Variants in FSTL5 observed in about 807,000 individuals in gnomAD.
The protein encoded by FSTL5 is follistatin like 5, also known as follistatin-related protein 5.
A neutral mutation model predicts 89.1 loss-of-function variants in FSTL5; 62 were observed. That is an observed-to-expected ratio of 0.70 (90% CI 0.57 to 0.86). The LOEUF is 0.86. Ranked by LOEUF, FSTL5 falls within the 40% of genes least tolerant of loss-of-function variation. The pLI, the probability that FSTL5 is intolerant of heterozygous loss-of-function variation, is 0.00. For synonymous variants in FSTL5, 383 were observed against 346.2 expected (o/e 1.11, Z -1.18); for missense variants, 1,057 against 1,001.6 (o/e 1.06, Z -0.75).
intron 3 of FSTL5, among the ~76,000 whole-genome samples, chr4:162,024,223 C>T (rs529061663): frequency 2.0e-5 from 3 of 152,090 alleles, no homozygotes; most frequent in African/African-American, 7.2e-5. Flanking sequence ...AAAAATATTC[C>T]GAATTCACAT....
chr4:161,745,062 A>G (rs11100384), intron 6 of FSTL5, among the ~76,000 whole-genome samples: 11,966 of 152,064 alleles, frequency 0.079, 629 homozygotes, highest in South Asian at 0.17. Flanking sequence ...AAGGCAAAAT[A>G]AATAAATAAA....
At chr4:161,648,733 A>G (rs10010913) in intron 7 of FSTL5, among the ~76,000 whole-genome samples, 121,726 of 151,986 alleles carry the variant, frequency 0.8, 49,007 homozygotes, top group East Asian at 0.93. Flanking sequence ...CCTGTGACAC[A>G]TACAATCTAT....
At chr4:162,019,502 T>C (rs986887348) in intron 3 of FSTL5, among the ~76,000 whole-genome samples, 2 of 152,168 alleles carry the variant, frequency 1.3e-5, no homozygotes, top group Non-Finnish European at 2.9e-5. Flanking sequence ...TTAATTTTGA[T>C]TAAAAAATGT....
chr4:161,400,691 T>C (rs1232277323), intron 15 of FSTL5, among the ~76,000 whole-genome samples: 5 of 152,118 alleles, frequency 3.3e-5, no homozygotes, highest in African/African-American at 1.2e-4. Context: ...ATTGACAGTG[T>C]TATAACCTAT....
At position 161,762,153 on chromosome 4, in the gene FSTL5, GTTTGTT is replaced by G. The variant is rs932987730; in HGVS notation, c.607-2628_607-2623del. Among the ~76,000 whole-genome samples the G allele has an allele frequency of 1.5e-4, 23 of 152,034 alleles. 1 individual carries two copies. The highest frequency in any genetic ancestry group is 1.0e-3 in the South Asian group (5 of 4,822). On this transcript the variant is annotated intron_variant, in intron 5 of 15. Transcript: ENST00000306100. ...GTTTAGGTACCCAGAATTTTTGTTT[GTTTGTT>G]TTTGTTTTTGTTTGTTTGTTTGTTT...
chr4:161,657,103 C>T (rs1736546123), intron 6 of FSTL5, among the ~76,000 whole-genome samples: 1 of 152,122 alleles, frequency 6.6e-6, no homozygotes, highest in South Asian at 2.1e-4. Context: ...TTTAACTAAC[C>T]AGTGTGCATA....
chr4:162,033,412 GAGCAC>G (rs1737612841), intron 3 of FSTL5, among the ~76,000 whole-genome samples: 1 of 152,100 alleles, frequency 6.6e-6, no homozygotes, highest in African/African-American at 2.4e-5. Flanking sequence ...ACGTTTTCAA[GAGCAC>G]AGTATGAAGA....
At chr4:161,832,737 C>T (rs1279469735) in intron 4 of FSTL5, among the ~76,000 whole-genome samples, 2 of 151,778 alleles carry the variant, frequency 1.3e-5, no homozygotes, top group Non-Finnish European at 2.9e-5. Context: ...TCCCCTTTAT[C>T]ATTTTTTATT....
At chr4:161,601,556 T>C (rs1734238345) in intron 7 of FSTL5, among the ~76,000 whole-genome samples, 1 of 152,038 alleles carries the variant, frequency 6.6e-6, no homozygotes, top group Admixed American at 6.6e-5. Context: ...AATACCCCCT[T>C]GTCTGGCACC....
At chr4:161,869,605 T>C (rs1732198094) in intron 4 of FSTL5, among the ~76,000 whole-genome samples, 1 of 152,142 alleles carries the variant, frequency 6.6e-6, no homozygotes, top group Non-Finnish European at 1.5e-5. Flanking sequence ...ATTGTCACAA[T>C]TGTGAGTGTT....
chr4:161,509,770 T>C (rs7691481), intron 11 of FSTL5, among the ~76,000 whole-genome samples: 150,968 of 152,256 alleles, frequency 0.99, 74,855 homozygotes, highest in Middle Eastern at 1. Flanking sequence ...ATTTAAGTAC[T>C]GGGGCAAACG....
intron 4 of FSTL5, among the ~76,000 whole-genome samples, chr4:161,832,606 T>C (rs1730884349): frequency 1.3e-5 from 2 of 152,190 alleles, no homozygotes; most frequent in African/African-American, 4.8e-5. Flanking sequence ...GGTTTAGTCT[T>C]GGGAGGGTGT....
intron 4 of FSTL5, among the ~76,000 whole-genome samples, chr4:161,835,383 A>T (rs1731002695): frequency 6.6e-6 from 1 of 152,196 alleles, no homozygotes; most frequent in East Asian, 1.9e-4. Flanking sequence ...AATTCAGGAC[A>T]TAGGCATAGG....
chr4:161,510,428 C>T lies in FSTL5; in HGVS notation c.1313-4G>A. On this transcript the variant is annotated splice_region_variant and splice_polypyrimidine_tract_variant and intron_variant, in intron 10 of 15. Transcript: ENST00000306100. Reference sequence around the variant, plus strand: ...TCTCTCCATAATATGTTAGCTACTGCAGCATGTTGAAAGAAAAAGAAGAAA... The same window carrying T: ...TCTCTCCATAATATGTTAGCTACTGTAGCATGTTGAAAGAAAAAGAAGAAA... 6.6e-7 allele frequency: 1 copy of T among 1,520,648 alleles called. No individual in the cohort carries two copies. The highest frequency in any genetic ancestry group is 8.8e-7 in the Non-Finnish European group (1 of 1,131,160). The allele number at this position is 1,520,648 out of a possible 1,614,324, so 94.2% of individuals were successfully genotyped here.
intron 3 of FSTL5, among the ~76,000 whole-genome samples, chr4:161,956,946 T>C (rs911468052): frequency 6.6e-6 from 1 of 152,000 alleles, no homozygotes; most frequent in African/African-American, 2.4e-5. Context: ...AGCATACTTT[T>C]AAAAAACCTA....
intron 6 of FSTL5, among the ~76,000 whole-genome samples, chr4:161,724,373 C>T (rs6834937): frequency 0.93 from 141,677 of 152,114 alleles, 66,315 homozygotes; most frequent in Non-Finnish European, 0.98. Context: ...ATCAAAAAAA[C>T]GCATCATGTT....
Position 161,656,372 on chromosome 4 carries a change from T to G in FSTL5, c.850A>C (p.Arg284=). The G allele has an allele frequency of 1.9e-6, 3 of 1,602,936 alleles. No homozygotes were observed. The highest frequency in any genetic ancestry group is 2.6e-6 in the Non-Finnish European group (3 of 1,171,212). The part of the protein sequence containing the change: ...GTLRPPIIWK[R]NNIILNNLDL... Reference sequence around the variant, plus strand: ...AAATTATTTAGAATAATATTGTTCCTTTTCCAGATAATGGGAGGTCTCAGG... The same window carrying G: ...AAATTATTTAGAATAATATTGTTCCGTTTCCAGATAATGGGAGGTCTCAGG... The change falls in exon 7 of 16, where the codon AGG becomes CGG. Residue 284 remains arginine, a synonymous_variant. Coordinates refer to ENST00000306100, the MANE Select transcript of FSTL5 (RefSeq NM_020116.5).
intron 15 of FSTL5, among the ~76,000 whole-genome samples, chr4:161,397,395 A>C (rs1439064212): frequency 1.3e-5 from 2 of 151,926 alleles, no homozygotes; most frequent in African/African-American, 4.8e-5. Flanking sequence ...ATATGTATAA[A>C]ATTAATAATA....
chr4:162,033,702 T>C (rs1324037271), intron 2 of FSTL5, 44 bp from the exon 3 acceptor site: 3 of 1,045,080 alleles, frequency 2.9e-6, no homozygotes, highest in Non-Finnish European at 2.8e-6. Flanking sequence ...TAAGTAAATA[T>C]GTGATCAACT....
Sources: allele counts gnomAD v4.1 joint callset (sites outside exome capture counted in the v4.1 genomes callset), GRCh38; gene constraint gnomAD v4.1.1; transcripts MANE v1.5; gene names NCBI Gene and HGNC (gene_info 2026-07-23, HGNC 2026-07-21).